SPAG16: variants seen among roughly 807,000 people sequenced by gnomAD.
SPAG16 encodes the protein sperm-associated antigen 16 protein.
SPAG16 carries 86 observed loss-of-function variants against 80.4 expected under a neutral mutation model. The ratio of observed to expected loss-of-function variants is 1.07; its 90% CI spans 0.90 to 1.28. The LOEUF (loss-of-function observed/expected upper bound fraction) is 1.28. SPAG16 is among the 50% of genes most tolerant of loss of function. The pLI is 0.00. For missense variants in SPAG16, 870 were observed against 765.3 expected (o/e 1.14, Z -1.61); for synonymous variants, 294 against 265.9 (o/e 1.11, Z -1.03).
intron 9 of SPAG16, among the ~76,000 whole-genome samples, chr2:213,426,731 C>T (rs2069938990): frequency 1.3e-5 from 2 of 151,092 alleles, no homozygotes; most frequent in South Asian, 2.1e-4. Context: ...AAAGGGTGAA[C>T]TGTTCTCTAA....
intron 15 of SPAG16, among the ~76,000 whole-genome samples, chr2:214,174,236 T>C (rs1020111006): frequency 1.3e-5 from 2 of 151,856 alleles, no homozygotes; most frequent in African/African-American, 4.8e-5. Flanking sequence ...CCAGGGCAAT[T>C]AGACAGGAGA....
At chr2:214,023,940 A>T (rs1194051866) in intron 13 of SPAG16, among the ~76,000 whole-genome samples, 2 of 151,724 alleles carry the variant, frequency 1.3e-5, no homozygotes, top group African/African-American at 4.8e-5. Flanking sequence ...TGAAAAATAA[A>T]TATAGATTAG....
At chr2:214,242,980 G>A (rs1689598101) in intron 15 of SPAG16, among the ~76,000 whole-genome samples, 1 of 151,990 alleles carries the variant, frequency 6.6e-6, no homozygotes, top group Non-Finnish European at 1.5e-5. Context: ...TTAGGACTTG[G>A]GAAAATCAAT....
intron 12 of SPAG16, among the ~76,000 whole-genome samples, chr2:213,979,776 T>C (rs538590680): frequency 6.6e-6 from 1 of 152,212 alleles, no homozygotes; most frequent in Admixed American, 6.6e-5. Context: ...TAAAATCTTA[T>C]GCCTTTTCTC....
At chr2:213,383,126 A>G (rs2067257635) in intron 9 of SPAG16, among the ~76,000 whole-genome samples, 1 of 152,168 alleles carries the variant, frequency 6.6e-6, no homozygotes, top group Admixed American at 6.6e-5. Context: ...ATGTTTGGAC[A>G]GTAAGATTCT....
chr2:213,572,457 G>C (rs1252534471), intron 10 of SPAG16, among the ~76,000 whole-genome samples: 1 of 147,594 alleles, frequency 6.8e-6, no homozygotes, highest in Non-Finnish European at 1.5e-5. Context: ...CCTTCTAACA[G>C]ACAGGACCCT....
chr2:213,967,619 C>T (rs1222048071), intron 12 of SPAG16, among the ~76,000 whole-genome samples: 4 of 151,976 alleles, frequency 2.6e-5, no homozygotes, highest in Non-Finnish European at 5.9e-5. Context: ...AAAATTTTGT[C>T]AAATAACTAA....
At chr2:214,381,193 A>G (rs561864959) in intron 15 of SPAG16, among the ~76,000 whole-genome samples, 2 of 152,362 alleles carry the variant, frequency 1.3e-5, no homozygotes, top group East Asian at 1.9e-4. Flanking sequence ...AAAGGAATGT[A>G]CAAAGCATGC....
At chr2:213,349,439 G>A (rs2065202127) in intron 6 of SPAG16, among the ~76,000 whole-genome samples, 1 of 152,122 alleles carries the variant, frequency 6.6e-6, no homozygotes. Context: ...ACTCTTAATA[G>A]ACTGATATCA....
intron 12 of SPAG16, among the ~76,000 whole-genome samples, chr2:213,981,464 A>G (rs1443650669): frequency 6.6e-6 from 1 of 152,040 alleles, no homozygotes; most frequent in Non-Finnish European, 1.5e-5. Flanking sequence ...TGTTCCCAAT[A>G]ATTAAGTTAC....
intron 10 of SPAG16, among the ~76,000 whole-genome samples, chr2:213,745,948 T>A (rs2067801763): frequency 6.6e-6 from 1 of 152,222 alleles, no homozygotes; most frequent in African/African-American, 2.4e-5. Flanking sequence ...TCTCTTTATG[T>A]CTTGATTTCT....
At chr2:213,449,753 A>C (rs1344155811) in intron 9 of SPAG16, among the ~76,000 whole-genome samples, 1 of 152,228 alleles carries the variant, frequency 6.6e-6, no homozygotes, top group African/African-American at 2.4e-5. Flanking sequence ...CAGTTTACTC[A>C]TGGGAGATAC....
chr2:213,485,729 ATTGT>A (rs1255139593), intron 9 of SPAG16, among the ~76,000 whole-genome samples: 1 of 152,122 alleles, frequency 6.6e-6, no homozygotes, highest in African/African-American at 2.4e-5. Flanking sequence ...CCACTTAAAA[ATTGT>A]TTGGGGCAAT....
chr2:214,396,462 CT>C (rs1701387899), intron 15 of SPAG16, among the ~76,000 whole-genome samples: 1 of 151,958 alleles, frequency 6.6e-6, no homozygotes, highest in East Asian at 1.9e-4. Context: ...TAATGGTGAT[CT>C]GTAATTAATA....
chr2:213,897,148 A>G (rs1188450381), intron 11 of SPAG16, among the ~76,000 whole-genome samples: 2 of 152,184 alleles, frequency 1.3e-5, no homozygotes, highest in Non-Finnish European at 2.9e-5. Flanking sequence ...ATCTTTACCA[A>G]TTATATGAGT....
intron 10 of SPAG16, among the ~76,000 whole-genome samples, chr2:213,612,786 C>A (rs2888235): frequency 0.27 from 40,624 of 151,982 alleles, 6,337 homozygotes; most frequent in Middle Eastern, 0.41. Context: ...CAGGTTCAAG[C>A]GATTCTCCTG....
intron 9 of SPAG16, chr2:213,422,568 G>T: frequency 2.4e-6 from 1 of 413,992 alleles, no homozygotes; most frequent in East Asian, 3.7e-5. Context: ...CAAAACTTGG[G>T]CAAAGGTACC....
chr2:213,562,116 T>C (rs571623313), intron 10 of SPAG16, among the ~76,000 whole-genome samples: 19 of 152,234 alleles, frequency 1.2e-4, no homozygotes, highest in Non-Finnish European at 2.4e-4. Context: ...GGCCAGACGA[T>C]TGAATATTCA....
chr2:213,624,190 T>C (rs2061879578), intron 10 of SPAG16, among the ~76,000 whole-genome samples: 1 of 152,076 alleles, frequency 6.6e-6, no homozygotes, highest in Non-Finnish European at 1.5e-5. Flanking sequence ...CTTGAACAAA[T>C]TATATTATGG....
Sources: gnomAD v4.1 joint callset for allele counts (sites outside exome capture counted in the v4.1 genomes callset) on GRCh38, gnomAD v4.1.1 for gene constraint, MANE v1.5 for transcripts, NCBI Gene and HGNC (gene_info 2026-07-23, HGNC 2026-07-21) for gene names.